The following PLXNB2 variants were observed in gnomAD, a reference collection of about 807,000 sequenced individuals.
PLXNB2 encodes the protein plexin B2, also known as plexin-B2.
In PLXNB2, 85 loss-of-function variants were observed where a neutral mutation model predicts 202.6. The observed-to-expected ratio is 0.42, with a 90% CI of 0.35 to 0.50. PLXNB2 has a LOEUF of 0.50. Among genes scored for constraint, PLXNB2 ranks in the 20% least tolerant of loss-of-function variants. The probability of loss-of-function intolerance (pLI) is 0.02; values close to 1 mark genes in which losing one functional copy is unlikely to be tolerated. For synonymous variants in PLXNB2, 1,239 were observed against 1,137.6 expected (o/e 1.09, Z -1.79); for missense variants, 2,063 against 2,586.2 (o/e 0.80, Z 4.39).
rs372410512 is a variant in PLXNB2, at chr22:50,279,619, C to T, written c.4389+11G>A. On this transcript the variant is annotated intron_variant, in intron 27 of 36. Coordinates refer to ENST00000359337, the MANE Select transcript of PLXNB2 (RefSeq NM_012401.4). ...GAGGCGCCCATGGCGGCCCCCACCCCAGAAGCTCACCAGGGGTGCGTACTC... is the reference window on the plus strand; with the variant it reads ...GAGGCGCCCATGGCGGCCCCCACCCTAGAAGCTCACCAGGGGTGCGTACTC... 2 of 1,613,080 alleles carry T rather than the reference C, an allele frequency of 1.2e-6. No homozygotes were observed.
intron 14 of PLXNB2, 29 bp from the exon 15 acceptor site, chr22:50,283,779 A>T: frequency 6.2e-7 from 1 of 1,612,800 alleles, no homozygotes; most frequent in African/African-American, 1.3e-5. Flanking sequence ...GTGAGCAGGG[A>T]GGGGCTCATG....
rs1198350987 is a variant in PLXNB2, at chr22:50,278,210, C to T, written c.4794G>A (p.Val1598=). Residue 1598 remains valine (V), a synonymous_variant, in exon 31 of 37, where the codon GTG becomes GTA. Coordinates refer to ENST00000359337, the MANE Select transcript of PLXNB2 (RefSeq NM_012401.4). ...TGCCTCTCTTGGACTTGCCCTCGTC[C>T]ACCTCGTCGGTCGGCCGCACCAGGT... ...VWHLVRPTDE[V]DEGKSKRGSV... 1.9e-6 allele frequency: 3 copies of T among 1,609,358 alleles called. No individual in the cohort carries two copies. In the African/African-American group the frequency reaches 4.0e-5, roughly 21 times the overall value.
At chr22:50,287,570 A>G in intron 7 of PLXNB2, 97 bp downstream of exon 7, 1 of 1,226,028 alleles carries the variant, frequency 8.2e-7, no homozygotes. Flanking sequence ...GGAGATGTGG[A>G]GCCCTCCCCT....
Position 50,280,728 on chromosome 22 carries a change from C to T in PLXNB2, c.3993+16G>A, listed in dbSNP as rs778085279. 6.3e-7 allele frequency: 1 copy of T among 1,579,202 alleles called. No individual in the cohort carries two copies. Among genetic ancestry groups the T allele is most frequent in the Non-Finnish European group, 8.6e-7 (1 of 1,162,314 alleles). ...GCCACCTGTGTGCCCTCCCGCCCGCCCGACGCCTGGCTCACATTGATGAGG... is the reference window on the plus strand; with the variant it reads ...GCCACCTGTGTGCCCTCCCGCCCGCTCGACGCCTGGCTCACATTGATGAGG... On this transcript the variant is annotated intron_variant, in intron 24 of 36. Coordinates refer to ENST00000359337, the MANE Select transcript of PLXNB2 (RefSeq NM_012401.4).
intron 11 of PLXNB2, chr22:50,285,042 C>T (rs897150806): frequency 9.4e-5 from 38 of 405,422 alleles, no homozygotes; most frequent in South Asian, 7.3e-4. Context: ...TCCAAAGGCC[C>T]CCGAGTGCTG....
At position 50,289,896 on chromosome 22, in the gene PLXNB2, A is replaced by G; in HGVS notation, c.689T>C (p.Phe230Ser). ...GTGCTTGTCCTGCTGGTTGAAGACAAAGAAGACGTAGGGGCCGTCCTCGAA... is the reference window on the plus strand; with the variant it reads ...GTGCTTGTCCTGCTGGTTGAAGACAGAGAAGACGTAGGGGCCGTCCTCGAA... ...AAFEDGPYVF[F>S]VFNQQDKHPA... Residue 230 changes from phenylalanine (F) to serine (S), a missense_variant, in exon 3 of 37, where the codon TTT (phenylalanine) becomes TCT (serine). Phe to Ser is a radical substitution (Grantham distance 155, BLOSUM62 -2). Coordinates refer to ENST00000359337, the MANE Select transcript of PLXNB2 (RefSeq NM_012401.4). This position sits in a 1 kb window ranked among gnomAD's most constrained non-coding sequence, Gnocchi z 8.0. The G allele has an allele frequency of 6.2e-7, 1 of 1,613,182 alleles. No individual in the cohort carries two copies. Among genetic ancestry groups the G allele is most frequent in the Non-Finnish European group, 8.5e-7 (1 of 1,180,024 alleles).
In PLXNB2 at chr22:50,275,905, T is replaced by C. The variant is rs746546029; in HGVS notation, c.5396A>G (p.Gln1799Arg). 2 of 1,612,566 alleles carry C rather than the reference T, an allele frequency of 1.2e-6. No individual in the cohort carries two copies. The highest frequency in any genetic ancestry group is 4.5e-5 in the East Asian group (2 of 44,850). Reference sequence around the variant, plus strand: ...TGACCCTACCTCGTCATAGTACTTCTGCGTGTATTGGTAGAGCTGGTGGAG... The same window carrying C: ...TGACCCTACCTCGTCATAGTACTTCCGCGTGTATTGGTAGAGCTGGTGGAG... Reference protein sequence around the residue: ...VALHQLYQYTQKYYDEIINAL... With the variant: ...VALHQLYQYTRKYYDEIINAL... Residue 1799 changes from glutamine to arginine, a missense_variant, in exon 36 of 37, where the codon CAG becomes CGG. Coordinates refer to ENST00000359337, the MANE Select transcript of PLXNB2 (RefSeq NM_012401.4).
At chr22:50,301,664 G>C (rs1433414710) in intron 1 of PLXNB2, among the ~76,000 whole-genome samples, 1 of 152,174 alleles carries the variant, frequency 6.6e-6, no homozygotes, top group Non-Finnish European at 1.5e-5. Flanking sequence ...GGTCCTGCCT[G>C]GATGCAGCTG....
rs1321939753 is a variant in PLXNB2, at chr22:50,288,577, G to A, written c.1380+166C>T. 2.6e-5 allele frequency among the ~76,000 whole-genome samples: 4 copies of A among 152,130 alleles called. No homozygotes were observed. The highest frequency in any genetic ancestry group is 1.5e-5 in the Non-Finnish European group (1 of 68,024). On this transcript the variant is annotated intron_variant, in intron 5 of 36. Coordinates refer to ENST00000359337, the MANE Select transcript of PLXNB2 (RefSeq NM_012401.4). The surrounding 1 kb of genome is among the most constrained non-coding windows in gnomAD (Gnocchi z 5.0). ...AGTGCTAGAGAGACACAGGATGGAG[G>A]CACTGCCCGGGACCCACCCAGCCAC...
Position 50,278,194 on chromosome 22 carries a change from T to C in PLXNB2, c.4810A>G (p.Lys1604Glu). Reference protein sequence around the residue: ...PTDEVDEGKSKRGSVKEKERT... With the variant: ...PTDEVDEGKSERGSVKEKERT... ...TCCTTCTCTTTCACGCTGCCTCTCT[T>C]GGACTTGCCCTCGTCCACCTCGTCG... is the stretch of plus-strand genomic sequence containing the variant. The change falls in exon 31 of 37, where the codon AAG becomes GAG. Residue 1604 changes from lysine (K) to glutamate (E), a missense_variant. Lys to Glu is a moderately conservative substitution (Grantham distance 56). Coordinates refer to ENST00000359337, the MANE Select transcript of PLXNB2 (RefSeq NM_012401.4). The C allele has an allele frequency of 6.2e-7, 1 of 1,608,306 alleles. No individual in the cohort carries two copies. The highest frequency in any genetic ancestry group is 8.5e-7 in the Non-Finnish European group (1 of 1,179,916).
intron 2 of PLXNB2, among the ~76,000 whole-genome samples, chr22:50,293,585 C>T (rs980946771): frequency 1.3e-5 from 2 of 152,242 alleles, no homozygotes; most frequent in Admixed American, 6.5e-5. Context: ...GCGCAGCTCC[C>T]GGGAATGAAT....
chr22:50,301,021 C>T (rs978893725), intron 1 of PLXNB2, among the ~76,000 whole-genome samples: 1 of 152,190 alleles, frequency 6.6e-6, no homozygotes, highest in South Asian at 2.1e-4. Flanking sequence ...AGTGCAGCCC[C>T]TGTATATGGT....
chr22:50,284,464 T>C lies in PLXNB2; in HGVS notation c.2181+109A>G. The C allele has an allele frequency of 1.1e-6, 1 of 877,134 alleles. No homozygotes were observed. The highest frequency in any genetic ancestry group is 1.8e-6 in the Non-Finnish European group (1 of 552,030). 54.3% of individuals were successfully genotyped at this position (877,134 alleles called of 1,614,324 possible). A position where few individuals can be genotyped will look rare whatever the true frequency, so the allele number is the denominator to read the frequency against. Reference sequence around the variant, plus strand: ...TGGCGAGCCCCTGGCTGGGCTCTGGTCCCTGGGGTCTCCCTGCTGCCCCTC... The same window carrying C: ...TGGCGAGCCCCTGGCTGGGCTCTGGCCCCTGGGGTCTCCCTGCTGCCCCTC... On this transcript the variant is annotated intron_variant, in intron 12 of 36. Transcript: ENST00000359337. This position sits in a 1 kb window ranked among gnomAD's most constrained non-coding sequence, Gnocchi z 8.0.
chr22:50,292,996 C>T (rs117274589), intron 2 of PLXNB2, among the ~76,000 whole-genome samples: 2,825 of 152,270 alleles, frequency 0.019, 44 homozygotes, highest in Non-Finnish European at 0.025. Context: ...GCACAGCAGC[C>T]GCTGGGAGAG....
At chr22:50,294,838 C>T (rs376915374) in intron 1 of PLXNB2, 60 bp from the exon 2 acceptor site, 10 of 850,808 alleles carry the variant, frequency 1.2e-5, no homozygotes, top group Non-Finnish European at 1.4e-5. Context: ...TGGAGCCCCC[C>T]ACCTCTGTCC....
intron 10 of PLXNB2, 41 bp from the exon 11 acceptor site, chr22:50,285,942 G>T (rs566563541): frequency 1.2e-6 from 2 of 1,600,880 alleles, no homozygotes; most frequent in Non-Finnish European, 1.7e-6. Context: ...TGGGCACAGC[G>T]GAGCAGCCAT....
chr22:50,295,048 C>T (rs868219404), intron 1 of PLXNB2, among the ~76,000 whole-genome samples: 6 of 152,160 alleles, frequency 3.9e-5, no homozygotes, highest in African/African-American at 4.8e-5. Context: ...AGGCCGGGTG[C>T]GGTGGCTCCC....
chr22:50,287,389 G>A (rs757533681), intron 7 of PLXNB2, 125 bp from the exon 8 acceptor site: 13 of 1,101,376 alleles, frequency 1.2e-5, no homozygotes, highest in Non-Finnish European at 1.5e-5. Context: ...CCGACTCCAC[G>A]TCTTCCAATA....
chr22:50,289,243 GCACACGTCCTA>G lies in PLXNB2; in HGVS notation c.1069-112_1069-102del, dbSNP rs2066694825. ...GGGACAGGCCCTTCCCTTCCCTCCG[GCACACGTCCTA>G]CACACGTCCCCGAGAACAGAACCCA... is the stretch of plus-strand genomic sequence containing the variant. On this transcript the variant is annotated intron_variant, in intron 3 of 36. Coordinates refer to ENST00000359337, the MANE Select transcript of PLXNB2 (RefSeq NM_012401.4). The surrounding 1 kb of genome is among the most constrained non-coding windows in gnomAD (Gnocchi z 8.0). The G allele has an allele frequency of 4.5e-6, 5 of 1,122,138 alleles. No individual in the cohort carries two copies. 69.5% of individuals were successfully genotyped at this position (1,122,138 alleles called of 1,614,324 possible).
Sources: gnomAD v4.1 joint callset for allele counts (sites outside exome capture counted in the v4.1 genomes callset) on GRCh38, gnomAD v4.1.1 for gene constraint, Gnocchi (gnomAD v3.1) non-coding constraint, MANE v1.5 for transcripts, NCBI Gene and HGNC (gene_info 2026-07-23, HGNC 2026-07-21) for gene names.